Variants in ADCY5 observed in about 807,000 individuals in gnomAD.
ADCY5 encodes the protein adenylate cyclase type 5.
A neutral mutation model predicts 119.7 loss-of-function variants in ADCY5; 30 were observed. The ratio of observed to expected loss-of-function variants is 0.25; its 90% CI spans 0.19 to 0.34. ADCY5 has a LOEUF of 0.34. ADCY5 is among the 10% of genes least tolerant of loss of function. The pLI is 1.00. For synonymous variants in ADCY5, 753 were observed against 762.2 expected, an observed-to-expected ratio of 0.99 and a Z score of 0.20; for missense variants, 1,324 against 1,775.2, an observed-to-expected ratio of 0.75 and a Z score of 4.57.
At chr3:123,416,869 G>T (rs908095281) in intron 1 of ADCY5, among the ~76,000 whole-genome samples, 2 of 152,074 alleles carry the variant, frequency 1.3e-5, no homozygotes, top group African/African-American at 4.8e-5. Context: ...CATAAGATTG[G>T]GACCCTCATC....
intron 1 of ADCY5, among the ~76,000 whole-genome samples, chr3:123,397,898 T>C (rs929454785): frequency 6.6e-6 from 1 of 152,148 alleles, no homozygotes; most frequent in African/African-American, 2.4e-5. Context: ...AAGGGGACTG[T>C]GTGGGTGTAG....
chr3:123,316,737 A>G (rs1440761830), intron 11 of ADCY5, among the ~76,000 whole-genome samples: 1 of 152,224 alleles, frequency 6.6e-6, no homozygotes, highest in East Asian at 1.9e-4. Context: ...AAGTTTCAAT[A>G]TGGACTGGGT....
chr3:123,379,602 G>C (rs1943959973), intron 1 of ADCY5, among the ~76,000 whole-genome samples: 1 of 152,080 alleles, frequency 6.6e-6, no homozygotes, highest in Admixed American at 6.5e-5. Context: ...AAGGGAGAGA[G>C]GAGGTGTGGA....
intron 1 of ADCY5, among the ~76,000 whole-genome samples, chr3:123,422,609 G>A (rs1257283678): frequency 1.3e-5 from 2 of 152,210 alleles, no homozygotes; most frequent in Non-Finnish European, 2.9e-5. Flanking sequence ...CAACTGCAGG[G>A]CAGAGGCAGT....
chr3:123,367,361 C>A (rs1943481475), intron 1 of ADCY5, among the ~76,000 whole-genome samples: 1 of 152,190 alleles, frequency 6.6e-6, no homozygotes, highest in Non-Finnish European at 1.5e-5. Flanking sequence ...CTTCACCCAC[C>A]CACAAACTGC....
At chr3:123,320,580 C>T (rs1941166122) in intron 9 of ADCY5, among the ~76,000 whole-genome samples, 169 bp downstream of exon 9, 1 of 152,190 alleles carries the variant, frequency 6.6e-6, no homozygotes. Context: ...CCTGGCCTGT[C>T]TGGGGCTGCT....
chr3:123,335,977 G>C (rs761988885), intron 3 of ADCY5, among the ~76,000 whole-genome samples: 7 of 152,248 alleles, frequency 4.6e-5, no homozygotes, highest in Non-Finnish European at 7.3e-5. Context: ...TGAGGAGGTG[G>C]AGCAGAGAGG....
At chr3:123,348,069 GCA>G (rs10551109) in intron 2 of ADCY5, among the ~76,000 whole-genome samples, 166 bp from the exon 3 acceptor site, 2,196 of 91,224 alleles carry the variant, frequency 0.024, no homozygotes, top group African/African-American at 0.028. Context: ...GTGTGTCTGT[GCA>G]TGTGTGTGTA....
intron 1 of ADCY5, among the ~76,000 whole-genome samples, chr3:123,354,670 A>G (rs886636087): frequency 2.0e-5 from 3 of 152,182 alleles, no homozygotes; most frequent in Admixed American, 6.5e-5. Flanking sequence ...TGATAAAAAC[A>G]GGAGTGAGAC....
intron 1 of ADCY5, among the ~76,000 whole-genome samples, chr3:123,377,857 G>A (rs546554889): frequency 6.6e-6 from 1 of 150,378 alleles, no homozygotes; most frequent in South Asian, 2.1e-4. Context: ...TTGAACCCGG[G>A]AGGCGGAGGT....
At chr3:123,431,623 G>A in intron 1 of ADCY5, among the ~76,000 whole-genome samples, 1 of 152,310 alleles carries the variant, frequency 6.6e-6, no homozygotes, top group African/African-American at 2.4e-5. Context: ...TATTCTTGCA[G>A]TTATTATAGC....
intron 1 of ADCY5, among the ~76,000 whole-genome samples, chr3:123,377,879 G>A (rs560420171): frequency 6.6e-5 from 9 of 135,450 alleles, no homozygotes; most frequent in Admixed American, 8.5e-5. Flanking sequence ...GCAGTGAGCC[G>A]AGATCATGCC....
intron 12 of ADCY5, among the ~76,000 whole-genome samples, chr3:123,313,722 G>C (rs1349441953): frequency 6.6e-6 from 1 of 152,216 alleles, no homozygotes; most frequent in African/African-American, 2.4e-5. Flanking sequence ...GCCAACACCA[G>C]CTGGCTGCAT....
intron 3 of ADCY5, among the ~76,000 whole-genome samples, chr3:123,343,156 A>T (rs1169780311): frequency 1.3e-5 from 2 of 152,172 alleles, no homozygotes; most frequent in Non-Finnish European, 2.9e-5. Flanking sequence ...GAATGTGATA[A>T]ACTCAGCTGA....
At chr3:123,399,218 C>T (rs538307988) in intron 1 of ADCY5, among the ~76,000 whole-genome samples, 4 of 152,290 alleles carry the variant, frequency 2.6e-5, no homozygotes, top group African/African-American at 4.8e-5. Context: ...GTCACCCACA[C>T]GTATTTTTCA....
At chr3:123,401,810 A>T (rs888829337) in intron 1 of ADCY5, among the ~76,000 whole-genome samples, 3 of 152,100 alleles carry the variant, frequency 2.0e-5, no homozygotes, top group Admixed American at 6.6e-5. Flanking sequence ...CTCTTACCGA[A>T]CCTACCTAAA....
rs201702999 is a variant in ADCY5 at position 123,363,003 on chromosome 3, C to T, written c.1135-10422G>A. ...CTAAAAACACAAAAAATTAGCTGGG[C>T]GTGGTGGTGCGCACCTGTAATCCCA... On this transcript the variant is annotated intron_variant, in intron 1 of 20. Coordinates refer to ENST00000462833, the MANE Select transcript of ADCY5 (RefSeq NM_183357.3). 7.9e-5 allele frequency among the ~76,000 whole-genome samples: 12 copies of T among 151,646 alleles called. No individual in the cohort carries two copies. In the East Asian group the frequency reaches 1.4e-3, roughly 17 times the overall value.
At chr3:123,356,188 T>A (rs1019106480) in intron 1 of ADCY5, among the ~76,000 whole-genome samples, 2 of 152,142 alleles carry the variant, frequency 1.3e-5, no homozygotes, top group African/African-American at 4.8e-5. Flanking sequence ...ACTATAGATA[T>A]AAAACCCTTA....
At chr3:123,328,031 T>C (rs1930707410) in intron 6 of ADCY5, among the ~76,000 whole-genome samples, 1 of 152,176 alleles carries the variant, frequency 6.6e-6, no homozygotes, top group Non-Finnish European at 1.5e-5. Context: ...CCTCCAGTCT[T>C]GCAAACTTTG....
Sources: gnomAD v4.1 joint callset for allele counts (sites outside exome capture counted in the v4.1 genomes callset) on GRCh38, gnomAD v4.1.1 for gene constraint, MANE v1.5 for transcripts, NCBI Gene and HGNC (gene_info 2026-07-23, HGNC 2026-07-21) for gene names.